The following ADAMTSL1 variants were observed in gnomAD, a reference collection of about 807,000 sequenced individuals.
The protein encoded by ADAMTSL1 is ADAMTS-like protein 1.
A neutral mutation model predicts 201.8 loss-of-function variants in ADAMTSL1; 126 were observed. That is an observed-to-expected ratio of 0.62 (90% CI 0.54 to 0.72). The LOEUF is 0.72. Ranked by LOEUF, ADAMTSL1 falls within the 30% of genes least tolerant of loss-of-function variation. The pLI is 0.00. For missense variants in ADAMTSL1, 2,679 were observed against 2,277.8 expected, an observed-to-expected ratio of 1.18 and a Z score of -3.59; for synonymous variants, 1,121 against 903.4, an observed-to-expected ratio of 1.24 and a Z score of -4.32.
chr9:18,232,619 G>T (rs1165373424), intron 2 of ADAMTSL1, among the ~76,000 whole-genome samples: 1 of 152,100 alleles, frequency 6.6e-6, no homozygotes, highest in Non-Finnish European at 1.5e-5. Flanking sequence ...GAATGGGTTT[G>T]GTGGAATGGG....
intron 2 of ADAMTSL1, among the ~76,000 whole-genome samples, chr9:18,360,063 T>G (rs566047942): frequency 2.6e-4 from 40 of 152,076 alleles, no homozygotes; most frequent in African/African-American, 8.7e-4. Context: ...ATATAGTAAT[T>G]GTATTATTGC....
At chr9:18,526,027 A>T (rs1368395896) in intron 2 of ADAMTSL1, among the ~76,000 whole-genome samples, 1 of 152,268 alleles carries the variant, frequency 6.6e-6, no homozygotes, top group Non-Finnish European at 1.5e-5. Flanking sequence ...GATCTGTCCA[A>T]TGTTGACAGT....
intron 1 of ADAMTSL1, among the ~76,000 whole-genome samples, chr9:18,096,743 C>G (rs1824268920): frequency 6.6e-6 from 1 of 152,128 alleles, no homozygotes; most frequent in Non-Finnish European, 1.5e-5. Context: ...ATGAGTAGAA[C>G]TTTTCTGTCA....
At chr9:18,557,532 C>T (rs962484357) in intron 3 of ADAMTSL1, among the ~76,000 whole-genome samples, 7 of 151,856 alleles carry the variant, frequency 4.6e-5, no homozygotes, top group African/African-American at 1.2e-4. Flanking sequence ...TGTTGCATGC[C>T]GCCAGTAAAG....
chr9:18,079,068 C>T (rs1246038730), intron 1 of ADAMTSL1, among the ~76,000 whole-genome samples: 1 of 152,076 alleles, frequency 6.6e-6, no homozygotes, highest in Non-Finnish European at 1.5e-5. Context: ...GCTGAGTGGC[C>T]CCATAGATGC....
intron 1 of ADAMTSL1, among the ~76,000 whole-genome samples, chr9:18,077,894 A>G (rs551708315): frequency 2.4e-4 from 37 of 152,296 alleles, no homozygotes; most frequent in African/African-American, 8.7e-4. Flanking sequence ...AGAGAAGAAG[A>G]TGCAGCCCAT....
At chr9:18,184,694 A>T (rs1828654359) in intron 2 of ADAMTSL1, among the ~76,000 whole-genome samples, 1 of 152,204 alleles carries the variant, frequency 6.6e-6, no homozygotes, top group Non-Finnish European at 1.5e-5. Flanking sequence ...AATGACAGAG[A>T]GTTGATCAGT....
intron 2 of ADAMTSL1, among the ~76,000 whole-genome samples, chr9:18,306,408 G>A (rs1210380159): frequency 6.6e-6 from 1 of 152,174 alleles, no homozygotes; most frequent in Non-Finnish European, 1.5e-5. Flanking sequence ...AGCAAAAGGA[G>A]CGTATTCTAA....
intron 3 of ADAMTSL1, among the ~76,000 whole-genome samples, chr9:18,538,211 G>A (rs919648984): frequency 3.9e-5 from 6 of 152,238 alleles, no homozygotes; most frequent in East Asian, 1.9e-4. Flanking sequence ...GAGTGGCTCT[G>A]GTGGGAGGAT....
intron 16 of ADAMTSL1, among the ~76,000 whole-genome samples, chr9:18,764,974 AT>A (rs1261471689): frequency 6.6e-6 from 1 of 152,120 alleles, no homozygotes; most frequent in African/African-American, 2.4e-5. Context: ...CTATAGTACA[AT>A]TTTATTACAT....
intron 2 of ADAMTSL1, among the ~76,000 whole-genome samples, chr9:18,396,637 C>T (rs1817764712): frequency 6.6e-6 from 1 of 150,520 alleles, no homozygotes; most frequent in South Asian, 2.1e-4. Flanking sequence ...TAATAATGTC[C>T]TGTGCAAATA....
At chr9:17,924,757 G>A (rs1223623422) in intron 1 of ADAMTSL1, among the ~76,000 whole-genome samples, 6 of 133,022 alleles carry the variant, frequency 4.5e-5, no homozygotes, top group East Asian at 2.2e-4. Context: ...AACCCTAGAA[G>A]AAAACCTAGG....
intron 3 of ADAMTSL1, among the ~76,000 whole-genome samples, chr9:18,544,344 C>G (rs1242762585): frequency 2.0e-5 from 3 of 152,044 alleles, no homozygotes; most frequent in Non-Finnish European, 4.4e-5. Flanking sequence ...TATTCCTTGG[C>G]TAAGGACAAT....
At chr9:18,711,177 A>T (rs1411086759) in intron 14 of ADAMTSL1, among the ~76,000 whole-genome samples, 1 of 152,248 alleles carries the variant, frequency 6.6e-6, no homozygotes, top group South Asian at 2.1e-4. Context: ...TGTATACATG[A>T]CTATAAACAT....
rs568311252 is a variant in ADAMTSL1, at chr9:18,527,484, T to C, written c.192-5763T>C. Reference sequence around the variant, plus strand: ...GAGCGATAAATCAAATGCATGCCCCTTTTTAAAAAGGCTTATATGAGAAGG... The same window carrying C: ...GAGCGATAAATCAAATGCATGCCCCCTTTTAAAAAGGCTTATATGAGAAGG... On this transcript the variant is annotated intron_variant, in intron 2 of 28. Transcript: ENST00000380548. Among the ~76,000 whole-genome samples the C allele has an allele frequency of 9.6e-4, 146 of 152,254 alleles. 2 individuals carry two copies. The highest frequency in any genetic ancestry group is 6.8e-3 in the Middle Eastern group (2 of 294).
At chr9:18,186,318 T>C (rs1828732274) in intron 2 of ADAMTSL1, among the ~76,000 whole-genome samples, 1 of 152,206 alleles carries the variant, frequency 6.6e-6, no homozygotes, top group Non-Finnish European at 1.5e-5. Context: ...ACTTGAAGCA[T>C]GTTTCTATAA....
intron 27 of ADAMTSL1, 144 bp downstream of exon 27, chr9:18,906,035 T>G: frequency 1.4e-6 from 1 of 708,222 alleles, no homozygotes; most frequent in Non-Finnish European, 2.4e-6. Flanking sequence ...CGCAAGCCAC[T>G]GGCCTCCCCA....
intron 2 of ADAMTSL1, among the ~76,000 whole-genome samples, chr9:18,354,306 G>GTACA (rs1836113710): frequency 1.3e-5 from 2 of 151,688 alleles, no homozygotes; most frequent in South Asian, 4.2e-4. Context: ...AAATATTATT[G>GTACA]TACATACATC....
intron 1 of ADAMTSL1, among the ~76,000 whole-genome samples, chr9:18,102,850 A>C (rs1317565994): frequency 6.6e-6 from 1 of 152,198 alleles, no homozygotes; most frequent in Non-Finnish European, 1.5e-5. Flanking sequence ...GTTTCGAAAT[A>C]ATAGATTTGA....
Sources: allele counts gnomAD v4.1 joint callset (sites outside exome capture counted in the v4.1 genomes callset), GRCh38; gene constraint gnomAD v4.1.1; transcripts MANE v1.5; gene names NCBI Gene and HGNC (gene_info 2026-07-23, HGNC 2026-07-21).